NKAIN3: variants seen among roughly 807,000 people sequenced by gnomAD.
NKAIN3 encodes sodium/potassium transporting ATPase interacting 3, also known as sodium/potassium-transporting ATPase subunit beta-1-interacting protein 3.
Under a neutral mutation model 30.2 loss-of-function variants are expected in NKAIN3, and 25 were observed. The observed-to-expected ratio is 0.83, with a 90% CI of 0.60 to 1.16. The LOEUF (loss-of-function observed/expected upper bound fraction) is 1.16, where lower values mean the gene tolerates loss of function less well. Among genes scored for constraint, NKAIN3 ranks in the 50% most tolerant of loss-of-function variants. The probability of loss-of-function intolerance (pLI) is 0.00; values close to 1 mark genes in which losing one functional copy is unlikely to be tolerated. For missense variants in NKAIN3, 225 were observed against 254.1 expected, an observed-to-expected ratio of 0.89 and a Z score of 0.78; for synonymous variants, 91 against 89.6, an observed-to-expected ratio of 1.02 and a Z score of -0.09.
intron 5 of NKAIN3, among the ~76,000 whole-genome samples, chr8:62,932,679 AT>A (rs894520001): frequency 2.0e-5 from 3 of 152,144 alleles, no homozygotes; most frequent in Non-Finnish European, 4.4e-5. Context: ...CTTGGATTCC[AT>A]TTTACACTAG....
chr8:62,959,409 G>T (rs564371511), intron 6 of NKAIN3, among the ~76,000 whole-genome samples: 1 of 150,036 alleles, frequency 6.7e-6, no homozygotes, highest in South Asian at 2.1e-4. Context: ...TCAACATTAA[G>T]TACCAGCTAG....
Position 62,622,595 on chromosome 8 carries a change from T to C in NKAIN3, c.273+32801T>C, listed in dbSNP as rs541028424. Among the ~76,000 whole-genome samples, 15 of 152,158 alleles carry C rather than the reference T, an allele frequency of 9.9e-5. No homozygotes were observed. In the East Asian group the frequency reaches 2.9e-3, roughly 29 times the overall value. The stretch of plus-strand genomic sequence containing the variant: ...TGTTGATAAAATGCTTCTTCTTGTC[T>C]TTTGCGCATTTTCTAATTGGATTAT... On this transcript the variant is annotated intron_variant, in intron 3 of 6. Coordinates refer to ENST00000623646, the MANE Select transcript of NKAIN3 (RefSeq NM_001304533.3).
intron 3 of NKAIN3, among the ~76,000 whole-genome samples, chr8:62,623,939 G>T (rs1332491958): frequency 6.6e-6 from 1 of 152,080 alleles, no homozygotes; most frequent in Admixed American, 6.6e-5. Flanking sequence ...TATTCTAAAC[G>T]AAGGGTGGAT....
At chr8:62,343,443 A>G (rs1563941298) in intron 1 of NKAIN3, among the ~76,000 whole-genome samples, 2 of 152,058 alleles carry the variant, frequency 1.3e-5, no homozygotes, top group Non-Finnish European at 2.9e-5. Flanking sequence ...TATATACATA[A>G]AACTACTATA....
intron 1 of NKAIN3, among the ~76,000 whole-genome samples, chr8:62,547,736 T>C (rs2129920616): frequency 6.6e-6 from 1 of 152,310 alleles, no homozygotes; most frequent in Admixed American, 6.5e-5. Flanking sequence ...CAGCTGTTAC[T>C]GGGCTTCAAG....
intron 4 of NKAIN3, among the ~76,000 whole-genome samples, chr8:62,908,512 T>C (rs4363188): frequency 0.78 from 117,871 of 152,026 alleles, 46,614 homozygotes; most frequent in East Asian, 0.98. Context: ...TTATAGCTCC[T>C]ATAATTCCCA....
At chr8:62,896,272 T>A (rs1821425409) in intron 4 of NKAIN3, among the ~76,000 whole-genome samples, 1 of 152,056 alleles carries the variant, frequency 6.6e-6, no homozygotes, top group Non-Finnish European at 1.5e-5. Flanking sequence ...ATTGGGGCAC[T>A]AGTCTCATCA....
intron 1 of NKAIN3, among the ~76,000 whole-genome samples, chr8:62,471,830 C>T (rs531101964): frequency 1.6e-3 from 245 of 152,066 alleles, no homozygotes; most frequent in African/African-American, 5.6e-3. Flanking sequence ...GCCTGTAGTC[C>T]CAGGTACTCA....
At chr8:62,459,666 T>C (rs1166204150) in intron 1 of NKAIN3, among the ~76,000 whole-genome samples, 1 of 152,192 alleles carries the variant, frequency 6.6e-6, no homozygotes, top group African/African-American at 2.4e-5. Flanking sequence ...AAAGTTTCTA[T>C]GATAAATTGA....
chr8:62,338,276 T>A (rs183467928), intron 1 of NKAIN3, among the ~76,000 whole-genome samples: 1 of 151,820 alleles, frequency 6.6e-6, no homozygotes, highest in African/African-American at 2.4e-5. Context: ...AAGAAAAAAA[T>A]GGGAAATAAT....
At chr8:62,696,952 T>C (rs73264897) in intron 3 of NKAIN3, among the ~76,000 whole-genome samples, 3,414 of 152,288 alleles carry the variant, frequency 0.022, 102 homozygotes, top group African/African-American at 0.072. Context: ...TTACATTTTT[T>C]CCTAATAAGA....
intron 4 of NKAIN3, among the ~76,000 whole-genome samples, chr8:62,827,471 A>C (rs1331639562): frequency 6.6e-6 from 1 of 152,170 alleles, no homozygotes; most frequent in Non-Finnish European, 1.5e-5. Context: ...GTGGAGAGCA[A>C]ATGCTAGAAT....
At chr8:62,735,113 GT>G (rs926650137) in intron 3 of NKAIN3, among the ~76,000 whole-genome samples, 5 of 152,112 alleles carry the variant, frequency 3.3e-5, no homozygotes, top group Non-Finnish European at 7.4e-5. Context: ...TTTCTCAGGT[GT>G]TTTTTGAGCT....
chr8:62,794,493 C>T (rs1460644728), intron 4 of NKAIN3, among the ~76,000 whole-genome samples: 1 of 151,972 alleles, frequency 6.6e-6, no homozygotes, highest in Non-Finnish European at 1.5e-5. Flanking sequence ...CTATACCCAC[C>T]CCCCCACCAA....
intron 4 of NKAIN3, among the ~76,000 whole-genome samples, chr8:62,847,774 C>A (rs1343405514): frequency 7.8e-6 from 1 of 128,494 alleles, no homozygotes; most frequent in African/African-American, 2.8e-5. Context: ...TCCTGAATGG[C>A]ATTGCTTAGG....
chr8:62,721,010 A>G (rs949719003), intron 3 of NKAIN3, among the ~76,000 whole-genome samples: 4 of 152,176 alleles, frequency 2.6e-5, no homozygotes, highest in African/African-American at 9.7e-5. Flanking sequence ...GCATATACTG[A>G]CCTCTGAGAT....
chr8:62,643,624 G>A (rs921531891), intron 3 of NKAIN3, among the ~76,000 whole-genome samples: 1 of 152,084 alleles, frequency 6.6e-6, no homozygotes, highest in Non-Finnish European at 1.5e-5. Flanking sequence ...CCCTGTCTCA[G>A]AACATAGGGG....
intron 4 of NKAIN3, among the ~76,000 whole-genome samples, chr8:62,842,229 A>C (rs372945689): frequency 1.1e-4 from 16 of 152,230 alleles, no homozygotes; most frequent in African/African-American, 3.8e-4. Context: ...GAGCTATCTG[A>C]AAAGAAAGTT....
intron 1 of NKAIN3, among the ~76,000 whole-genome samples, chr8:62,480,647 G>A (rs1230280315): frequency 6.6e-6 from 1 of 151,860 alleles, no homozygotes; most frequent in Non-Finnish European, 1.5e-5. Flanking sequence ...GAAGCTTCAG[G>A]GCTAATTGAA....
Sources: allele counts gnomAD v4.1 joint callset (sites outside exome capture counted in the v4.1 genomes callset), GRCh38; gene constraint gnomAD v4.1.1; transcripts MANE v1.5; gene names NCBI Gene and HGNC (gene_info 2026-07-23, HGNC 2026-07-21).